The following GPC6 variants were observed in gnomAD, a reference collection of about 807,000 sequenced individuals.
GPC6 encodes the protein glypican 6.
GPC6 carries 14 observed loss-of-function variants against 55.2 expected under a neutral mutation model. That is an observed-to-expected ratio of 0.25 (90% CI 0.17 to 0.40). The LOEUF is 0.40. Ranked by LOEUF, GPC6 falls within the 10% of genes least tolerant of loss-of-function variation. The pLI, the probability that GPC6 is intolerant of heterozygous loss-of-function variation, is 1.00. For synonymous variants in GPC6, 278 were observed against 259.6 expected (o/e 1.07, Z -0.68); for missense variants, 641 against 708.5 (o/e 0.90, Z 1.08).
intron 1 of GPC6, among the ~76,000 whole-genome samples, chr13:93,489,487 GT>G (rs1335872994): frequency 6.6e-6 from 1 of 151,278 alleles, no homozygotes; most frequent in Middle Eastern, 3.2e-3. Context: ...CTTTAAAGTA[GT>G]TTTTTCCAAT....
chr13:94,364,720 A>G (rs1731497829), intron 6 of GPC6, among the ~76,000 whole-genome samples: 1 of 152,122 alleles, frequency 6.6e-6, no homozygotes, highest in African/African-American at 2.4e-5. Flanking sequence ...AAGGCCCAGT[A>G]CATTGTAGAT....
intron 2 of GPC6, among the ~76,000 whole-genome samples, chr13:93,801,011 A>G (rs550386379): frequency 1.2e-4 from 18 of 152,344 alleles, no homozygotes; most frequent in Admixed American, 5.9e-4. Flanking sequence ...GTCAGAGCCT[A>G]GAAACTCTGA....
chr13:93,739,867 C>T (rs1252807427), intron 2 of GPC6, among the ~76,000 whole-genome samples: 1 of 152,146 alleles, frequency 6.6e-6, no homozygotes, highest in East Asian at 1.9e-4. Flanking sequence ...AGAAGTCACA[C>T]AGTAAATCAA....
chr13:93,917,827 G>A (rs368718462), intron 3 of GPC6, among the ~76,000 whole-genome samples: 32 of 152,236 alleles, frequency 2.1e-4, no homozygotes, highest in African/African-American at 7.0e-4. Context: ...GGCCAGCTGC[G>A]GTGGCTCACG....
chr13:93,803,210 G>A (rs1004852159), intron 2 of GPC6, among the ~76,000 whole-genome samples: 1 of 151,962 alleles, frequency 6.6e-6, no homozygotes. Flanking sequence ...TTTGATAAGG[G>A]AATTATATAC....
intron 2 of GPC6, among the ~76,000 whole-genome samples, chr13:93,724,645 G>C (rs1015952053): frequency 6.6e-6 from 1 of 151,970 alleles, no homozygotes; most frequent in Non-Finnish European, 1.5e-5. Context: ...AGATTTAGAA[G>C]TAATCTGAGA....
chr13:94,215,570 A>C (rs188722622), intron 4 of GPC6, among the ~76,000 whole-genome samples: 1 of 152,224 alleles, frequency 6.6e-6, no homozygotes, highest in Non-Finnish European at 1.5e-5. Context: ...ATATCCTGAC[A>C]TATGTCTAGA....
At chr13:93,364,403 G>A (rs1566318587) in intron 1 of GPC6, among the ~76,000 whole-genome samples, 1 of 152,022 alleles carries the variant, frequency 6.6e-6, no homozygotes, top group Admixed American at 6.6e-5. Context: ...TGAGTCAACA[G>A]TTTTTAAAAC....
At chr13:93,458,511 A>G (rs1252545455) in intron 1 of GPC6, among the ~76,000 whole-genome samples, 1 of 152,160 alleles carries the variant, frequency 6.6e-6, no homozygotes, top group Non-Finnish European at 1.5e-5. Context: ...CAGCATTGAG[A>G]AAAATATCTG....
intron 4 of GPC6, chr13:94,187,366 T>C (rs370577483): frequency 6.6e-6 from 1 of 152,176 alleles, no homozygotes; most frequent in East Asian, 1.9e-4. Flanking sequence ...TTCAAATTTA[T>C]GGTAAAGCTA....
chr13:93,409,786 G>A lies in GPC6; in HGVS notation c.161-135477G>A, dbSNP rs190687816. Among the ~76,000 whole-genome samples the A allele has an allele frequency of 2.8e-3, 431 of 152,252 alleles. 1 individual carries two copies. Among genetic ancestry groups the A allele is most frequent in the South Asian group, 4.8e-3 (23 of 4,824 alleles). The stretch of plus-strand genomic sequence containing the variant: ...TTGTAAACGTTTTCAATTAAGGGGC[G>A]GGAATAATCAAAGGAGGATAGATTT... On this transcript the variant is annotated intron_variant, in intron 1 of 8. Transcript: ENST00000377047.
chr13:93,733,900 T>C (rs1883910329), intron 2 of GPC6, among the ~76,000 whole-genome samples: 1 of 152,206 alleles, frequency 6.6e-6, no homozygotes, highest in Non-Finnish European at 1.5e-5. Flanking sequence ...TGTTTTTCTT[T>C]GCTCTTCTTC....
chr13:94,402,906 CT>C (rs1159466817), intron 8 of GPC6, 108 bp from the exon 9 acceptor site: 7 of 874,978 alleles, frequency 8.0e-6, no homozygotes, highest in East Asian at 2.4e-5. Flanking sequence ...GGCCTCTCCC[CT>C]GACAGGTGGG....
intron 1 of GPC6, among the ~76,000 whole-genome samples, chr13:93,332,154 C>T (rs1458612733): frequency 6.6e-6 from 1 of 151,964 alleles, no homozygotes; most frequent in Non-Finnish European, 1.5e-5. Context: ...GTGAATAGTG[C>T]AACAATAAAC....
intron 4 of GPC6, among the ~76,000 whole-genome samples, chr13:94,239,265 TG>T (rs781079712): frequency 1.2e-4 from 19 of 152,232 alleles, no homozygotes; most frequent in Non-Finnish European, 2.6e-4. Context: ...AGCAGCATTG[TG>T]AAAAAAACAT....
chr13:93,377,519 C>T (rs745532601), intron 1 of GPC6, among the ~76,000 whole-genome samples: 44 of 152,076 alleles, frequency 2.9e-4, no homozygotes, highest in Admixed American at 2.4e-3. Context: ...GTGGAAAGGA[C>T]GTTGGTCTTG....
Position 93,857,417 on chromosome 13 carries a change from T to C in GPC6, c.711+26872T>C, listed in dbSNP as rs151009199. 2.4e-4 allele frequency among the ~76,000 whole-genome samples: 36 copies of C among 151,654 alleles called. No individual in the cohort carries two copies. In the East Asian group the frequency reaches 6.8e-3, roughly 29 times the overall value. On this transcript the variant is annotated intron_variant, in intron 3 of 8. Transcript: ENST00000377047. ...TGTTATCCAGAATAATTTGATCAGG[T>C]CCTGTCTTGTTTAGAGAATAATAAA...
chr13:93,488,051 A>T (rs1052463811), intron 1 of GPC6, among the ~76,000 whole-genome samples: 13 of 152,118 alleles, frequency 8.5e-5, no homozygotes, highest in African/African-American at 3.1e-4. Flanking sequence ...ACATGTGCCA[A>T]GTTGGTGTGC....
chr13:94,125,012 G>T (rs1886756898), intron 4 of GPC6, among the ~76,000 whole-genome samples: 2 of 152,054 alleles, frequency 1.3e-5, no homozygotes, highest in Non-Finnish European at 2.9e-5. Flanking sequence ...TTTTTACCAA[G>T]CCATTCATAA....
Sources: allele counts gnomAD v4.1 joint callset (sites outside exome capture counted in the v4.1 genomes callset), GRCh38; gene constraint gnomAD v4.1.1; transcripts MANE v1.5; gene names NCBI Gene and HGNC (gene_info 2026-07-23, HGNC 2026-07-21).